Variants in MS4A6E observed in about 807,000 individuals in gnomAD.
The protein encoded by MS4A6E is membrane-spanning 4-domains subfamily A member 6E.
A neutral mutation model predicts 13.2 loss-of-function variants in MS4A6E; 8 were observed. That is an observed-to-expected ratio of 0.60 (90% CI 0.35 to 1.09). MS4A6E has a LOEUF of 1.09. MS4A6E is among the 50% of genes least tolerant of loss of function. The probability of loss-of-function intolerance (pLI) is 0.02; values close to 1 mark genes in which losing one functional copy is unlikely to be tolerated. For synonymous variants in MS4A6E, 72 were observed against 67.6 expected (o/e 1.06, Z -0.32); for missense variants, 177 against 171.1 (o/e 1.03, Z -0.19).
Position 60,340,843 on chromosome 11 carries a change from C to A in MS4A6E, c.*77C>A, listed in dbSNP as rs144937923. 1.1e-5 allele frequency: 2 copies of A among 178,764 alleles called. No individual in the cohort carries two copies. Among genetic ancestry groups the A allele is most frequent in the East Asian group, 2.5e-4 (2 of 7,844 alleles). The allele number at this position is 178,764 out of a possible 1,614,324, so 11.1% of individuals were successfully genotyped here. ...GAACTATTGACTTCTTGGGAAAAAA[C>A]GGAGAAATATTAATTGGAAAGTTGA... On this transcript the variant is annotated 3_prime_UTR_variant, in exon 5 of 5. Coordinates refer to ENST00000684409, the MANE Select transcript of MS4A6E (RefSeq NM_139249.4).
downstream of MS4A6E, among the ~76,000 whole-genome samples, chr11:60,344,626 C>A (rs941951809): frequency 1.3e-5 from 2 of 152,152 alleles, no homozygotes; most frequent in African/African-American, 2.4e-5. Flanking sequence ...ATCCTGAGAG[C>A]TGGAAAATAT....
At chr11:60,335,759 A>G (rs2085185072) in intron 2 of MS4A6E, 1 of 325,472 alleles carries the variant, frequency 3.1e-6, no homozygotes, top group Admixed American at 4.2e-5. Context: ...GGTCTAGGAA[A>G]CTTCTTGGTA....
downstream of MS4A6E, among the ~76,000 whole-genome samples, chr11:60,341,829 G>T (rs10897052): frequency 0.33 from 49,475 of 151,752 alleles, 8,659 homozygotes; most frequent in African/African-American, 0.46. Context: ...TGTTTCATTA[G>T]GTCTTCTCCC....
At chr11:60,347,099 T>C (rs941933062) in intron 4 of MS4A6E, among the ~76,000 whole-genome samples, 19 of 152,060 alleles carry the variant, frequency 1.2e-4, no homozygotes, top group Non-Finnish European at 2.6e-4. Context: ...TGGGTAGTTT[T>C]AGAGATAGTG....
chr11:60,344,792 C>T (rs2085248410), downstream of MS4A6E, among the ~76,000 whole-genome samples: 1 of 152,228 alleles, frequency 6.6e-6, no homozygotes, highest in African/African-American at 2.4e-5. Context: ...CTATTTCCTT[C>T]AGCTACTTCA....
chr11:60,345,428 C>T (rs2085252086), downstream of MS4A6E, among the ~76,000 whole-genome samples: 1 of 152,152 alleles, frequency 6.6e-6, no homozygotes, highest in Non-Finnish European at 1.5e-5. Context: ...GAGAGAGACA[C>T]ACTTTGAAAG....
chr11:60,330,317 C>G (rs1265636728), intron 1 of MS4A6E, among the ~76,000 whole-genome samples: 1 of 138,734 alleles, frequency 7.2e-6, no homozygotes, highest in African/African-American at 2.7e-5. Context: ...AATTAGATCC[C>G]ATTTGTTAAT....
intron 1 of MS4A6E, among the ~76,000 whole-genome samples, chr11:60,330,221 T>C (rs2085145770): frequency 6.6e-6 from 1 of 150,420 alleles, no homozygotes; most frequent in Non-Finnish European, 1.5e-5. Context: ...GTCAGATGGA[T>C]AGATTGCAAA....
chr11:60,339,130 C>T (rs4939339), intron 3 of MS4A6E, among the ~76,000 whole-genome samples: 143,835 of 152,034 alleles, frequency 0.95, 68,423 homozygotes, highest in Non-Finnish European at 1. Flanking sequence ...GATCAAATTA[C>T]CTCCCTTTAT....
Position 60,339,854 on chromosome 11 carries a change from C to T in MS4A6E, c.355-12C>T. 6.2e-7 allele frequency: 1 copy of T among 1,612,242 alleles called. No homozygotes were observed. Among genetic ancestry groups the T allele is most frequent in the African/African-American group, 1.3e-5 (1 of 74,988 alleles). On this transcript the variant is annotated splice_polypyrimidine_tract_variant and intron_variant, in intron 3 of 4. Transcript: ENST00000684409. ...CCCAAGCATCACTGATATTTTATTT[C>T]TTGACTTTCAGGGAACTCTGTCTCT...
downstream of MS4A6E, among the ~76,000 whole-genome samples, chr11:60,343,931 C>T (rs1001064818): frequency 1.3e-5 from 2 of 152,032 alleles, no homozygotes; most frequent in Non-Finnish European, 2.9e-5. Flanking sequence ...AGGGCCCTTC[C>T]CAGCTTGGGG....
Position 60,334,813 on chromosome 11 carries a change from T to G in MS4A6E, c.-14-69T>G, listed in dbSNP as rs79636870. On this transcript the variant is annotated intron_variant, in intron 1 of 4. Coordinates refer to ENST00000684409, the MANE Select transcript of MS4A6E (RefSeq NM_139249.4). ...CTGGACTAATTGGCAGAAACTGACT[T>G]ACCAGTTTTGCAGCCAGAACTTGGG... 2,281 of 1,538,914 alleles carry G rather than the reference T, an allele frequency of 1.5e-3. 27 individuals carry two copies. The African/African-American group carries it at 0.028, about 19-fold the overall frequency.
rs147013630 is a variant in MS4A6E, at chr11:60,338,810, G to A, written c.354+863G>A. The A allele has an allele frequency of 3.3e-5, 5 of 152,314 alleles. No individual in the cohort carries two copies. The East Asian group carries it at 7.7e-4, about 23-fold the overall frequency. 9.4% of individuals were successfully genotyped at this position (152,314 alleles called of 1,614,324 possible). ...GACGATGGACAGATAGAAAGGTCTG[G>A]TCAAATTCATGCTTGTACAGCACCC... On this transcript the variant is annotated intron_variant, in intron 3 of 4. Transcript: ENST00000684409.
At chr11:60,336,159 C>A (rs963804445) in intron 2 of MS4A6E, among the ~76,000 whole-genome samples, 2 of 152,124 alleles carry the variant, frequency 1.3e-5, no homozygotes, top group Non-Finnish European at 2.9e-5. Flanking sequence ...AACACTAGAT[C>A]TGTGCTGTGC....
intron 1 of MS4A6E, among the ~76,000 whole-genome samples, chr11:60,334,317 G>A: frequency 6.6e-6 from 1 of 152,276 alleles, no homozygotes; most frequent in Non-Finnish European, 1.5e-5. Context: ...AAAGCTTGAA[G>A]GGCCCCTAGA....
At chr11:60,348,072 T>G (rs1278009891) in intron 4 of MS4A6E, among the ~76,000 whole-genome samples, 2 of 152,208 alleles carry the variant, frequency 1.3e-5, no homozygotes, top group African/African-American at 4.8e-5. Context: ...AGAAGAGGTT[T>G]CTTTAAAAAA....
chr11:60,345,095 A>T (rs1307096531), downstream of MS4A6E, among the ~76,000 whole-genome samples: 1 of 151,742 alleles, frequency 6.6e-6, no homozygotes, highest in African/African-American at 2.4e-5. Context: ...CCACCACACC[A>T]GGCTAATTTT....
chr11:60,339,766 A>G, intron 3 of MS4A6E, 100 bp from the exon 4 acceptor site: 1 of 973,252 alleles, frequency 1.0e-6, no homozygotes. Flanking sequence ...TTCATTCTCT[A>G]ATGGTTGAGG....
intron 4 of MS4A6E, among the ~76,000 whole-genome samples, chr11:60,346,420 T>A (rs2085256467): frequency 6.6e-6 from 1 of 152,222 alleles, no homozygotes; most frequent in South Asian, 2.1e-4. Flanking sequence ...TCTGGTCCTA[T>A]CACCTGCTGC....
Sources: gnomAD v4.1 joint callset for allele counts (sites outside exome capture counted in the v4.1 genomes callset) on GRCh38, gnomAD v4.1.1 for gene constraint, MANE v1.5 for transcripts, NCBI Gene and HGNC (gene_info 2026-07-23, HGNC 2026-07-21) for gene names.